Variants in MYO1C observed in about 807,000 individuals in gnomAD.
The protein encoded by MYO1C is myosin IC, also known as unconventional myosin-Ic.
MYO1C carries 104 observed loss-of-function variants against 150.8 expected under a neutral mutation model. The ratio of observed to expected loss-of-function variants is 0.69; its 90% confidence interval spans 0.59 to 0.81. The LOEUF (loss-of-function observed/expected upper bound fraction) is 0.81, where lower values mean the gene tolerates loss of function less well. Among genes scored for constraint, MYO1C ranks in the 30% least tolerant of loss-of-function variants. The probability of loss-of-function intolerance (pLI) is 0.00; values close to 1 mark genes in which losing one functional copy is unlikely to be tolerated. For missense variants in MYO1C, 1,504 were observed against 1,435.0 expected (o/e 1.05, Z -0.78); for synonymous variants, 663 against 579.9 (o/e 1.14, Z -2.06).
chr17:1,473,471 T>C (rs920027108), intron 17 of MYO1C, among the ~76,000 whole-genome samples: 1 of 151,388 alleles, frequency 6.6e-6, no homozygotes, highest in Non-Finnish European at 1.5e-5. Context: ...GAGGGTGGGG[T>C]GGACGGCAGC....
At chr17:1,483,481 A>G (rs1252520669) in intron 3 of MYO1C, 129 bp downstream of exon 3, 9 of 705,086 alleles carry the variant, frequency 1.3e-5, no homozygotes, top group Non-Finnish European at 7.4e-6. Flanking sequence ...CTGGGGGGCA[A>G]GAGACTGTGG....
At chr17:1,487,867 G>A (rs1419106874) in intron 1 of MYO1C, among the ~76,000 whole-genome samples, 1 of 152,236 alleles carries the variant, frequency 6.6e-6, no homozygotes, top group Non-Finnish European at 1.5e-5. Flanking sequence ...GTTGCAGTGA[G>A]CCGAGATTGT....
chr17:1,483,337 C>T (rs1294141851), intron 3 of MYO1C, among the ~76,000 whole-genome samples: 1 of 148,368 alleles, frequency 6.7e-6, no homozygotes, highest in Non-Finnish European at 1.5e-5. Context: ...TGGGGGGGGT[C>T]TTTGCAGGTG....
intron 1 of MYO1C, 39 bp downstream of exon 1, chr17:1,492,374 G>A (rs1248608896): frequency 1.9e-6 from 3 of 1,564,836 alleles, no homozygotes; most frequent in Non-Finnish European, 2.6e-6. Flanking sequence ...TTGGGGAGAC[G>A]CTCCCACCCT....
At chr17:1,468,554 G>T in intron 25 of MYO1C, 58 bp from the exon 26 acceptor site, 1 of 1,411,062 alleles carries the variant, frequency 7.1e-7, no homozygotes, top group Non-Finnish European at 1.0e-6. Flanking sequence ...TCTTGGGGGG[G>T]CAGAGCCAGC....
At position 1,470,609 on chromosome 17, in the gene MYO1C, G is replaced by C. The variant is rs2150936671; in HGVS notation, c.2281+12C>G. ...GACCCCGCCCCTCCTGAACACCCAT[G>C]GGCCCGCGAACCTGATCTCTTCACC... On this transcript the variant is annotated intron_variant, in intron 22 of 31. Coordinates refer to ENST00000648651, the MANE Select transcript of MYO1C (RefSeq NM_001080779.2). The C allele has an allele frequency of 6.2e-7, 1 of 1,609,652 alleles. No homozygotes were observed. Among genetic ancestry groups the C allele is most frequent in the Non-Finnish European group, 8.5e-7 (1 of 1,177,946 alleles).
Position 1,479,624 on chromosome 17 carries a change from T to C in MYO1C, c.988A>G (p.Thr330Ala). The C allele has an allele frequency of 6.2e-7, 1 of 1,612,934 alleles. No homozygotes were observed. Residue 330 changes from threonine (T) to alanine (A), a missense_variant, in exon 8 of 32, where the codon ACC becomes GCC. Thr to Ala is a moderately conservative substitution (Grantham distance 58). Coordinates refer to ENST00000648651, the MANE Select transcript of MYO1C (RefSeq NM_001080779.2). This position sits in a 1 kb window ranked among gnomAD's most constrained non-coding sequence, Gnocchi z 4.2. ...AGATACTTGAGCTGGTTCTCGGTGGTGACCTGGGCATTGCTCTCCTCGTTG... is the reference window on the plus strand; with the variant it reads ...AGATACTTGAGCTGGTTCTCGGTGGCGACCTGGGCATTGCTCTCCTCGTTG... ...AANEESNAQV[T>A]TENQLKYLTR...
chr17:1,480,223 G>A (rs1390688984), intron 7 of MYO1C, among the ~76,000 whole-genome samples: 19 of 151,424 alleles, frequency 1.3e-4, no homozygotes. Flanking sequence ...GAGGCAGGCG[G>A]ATCACCTGAG....
rs150598008 is a variant in MYO1C, at chr17:1,479,978, A to G, written c.907-273T>C. On this transcript the variant is annotated intron_variant, in intron 7 of 31. Coordinates refer to ENST00000648651, the MANE Select transcript of MYO1C (RefSeq NM_001080779.2). This position sits in a 1 kb window ranked among gnomAD's most constrained non-coding sequence, Gnocchi z 4.2. ...CCAGCCAACATGGCAAAACCCCATCATTATTAAAAATACAAAAATTAGCCA... is the reference window on the plus strand; with the variant it reads ...CCAGCCAACATGGCAAAACCCCATCGTTATTAAAAATACAAAAATTAGCCA... 0.01 allele frequency among the ~76,000 whole-genome samples: 1,571 copies of G among 150,626 alleles called. 33 individuals carry two copies. The highest frequency in any genetic ancestry group is 0.035 in the African/African-American group (1,448 of 41,016).
chr17:1,479,817 C>A lies in MYO1C; in HGVS notation c.907-112G>T. On this transcript the variant is annotated intron_variant, in intron 7 of 31. Coordinates refer to ENST00000648651, the MANE Select transcript of MYO1C (RefSeq NM_001080779.2). This position sits in a 1 kb window ranked among gnomAD's most constrained non-coding sequence, Gnocchi z 4.2. ...GTGGTGAAGTGTCGGAGAGAAGGGG[C>A]TGGAAGTGGGAATGGGTGTTAAAGG... 1.4e-6 allele frequency: 1 copy of A among 740,150 alleles called. No homozygotes were observed. Among genetic ancestry groups the A allele is most frequent in the South Asian group, 1.6e-5 (1 of 61,346 alleles). 45.8% of individuals were successfully genotyped at this position (740,150 alleles called of 1,614,324 possible).
At chr17:1,475,331 A>G (rs2074382756) in intron 14 of MYO1C, among the ~76,000 whole-genome samples, 1 of 152,204 alleles carries the variant, frequency 6.6e-6, no homozygotes, top group African/African-American at 2.4e-5. Flanking sequence ...ACAAAGGAGA[A>G]TCGCTTGAAC....
chr17:1,472,065 A>T, intron 18 of MYO1C, 41 bp from the exon 19 acceptor site: 1 of 1,608,822 alleles, frequency 6.2e-7, no homozygotes, highest in Non-Finnish European at 8.5e-7. Flanking sequence ...GCTGGCGCTG[A>T]CGGCCTGTCT....
Position 1,479,100 on chromosome 17 carries a change from TTC to T in MYO1C, c.1092+329_1092+330del, listed in dbSNP as rs963437148. On this transcript the variant is annotated intron_variant, in intron 9 of 31. Transcript: ENST00000648651. The surrounding 1 kb of genome is among the most constrained non-coding windows in gnomAD (Gnocchi z 4.2). ...ACCTCCACCTCCCGGGTTCAAGCGA[TTC>T]TCCTGCCTCAGCCTCCCGAGTAGCT... is the stretch of plus-strand genomic sequence containing the variant. 5.9e-5 allele frequency among the ~76,000 whole-genome samples: 9 copies of T among 152,148 alleles called. No individual in the cohort carries two copies. The highest frequency in any genetic ancestry group is 1.3e-4 in the Non-Finnish European group (9 of 68,016).
Position 1,479,424 on chromosome 17 carries a change from GC to G in MYO1C, c.1092+6del. 1 of 1,342,956 alleles carries G rather than the reference GC, an allele frequency of 7.4e-7. No homozygotes were observed. Among genetic ancestry groups the G allele is most frequent in the Non-Finnish European group, 1.0e-6 (1 of 963,018 alleles). The allele number at this position is 1,342,956 out of a possible 1,614,324, so 83.2% of individuals were successfully genotyped here. A position where few individuals can be genotyped will look rare whatever the true frequency, so the allele number is the denominator to read the frequency against. On this transcript the variant is annotated splice_donor_region_variant and intron_variant, in intron 9 of 31. Coordinates refer to ENST00000648651, the MANE Select transcript of MYO1C (RefSeq NM_001080779.2). This position sits in a 1 kb window ranked among gnomAD's most constrained non-coding sequence, Gnocchi z 4.2. ...CTCCACACCCGAGGGCAAGGGCCCG[GC>G]CTCACCTCCTCCCCCTTGGCGATGA...
chr17:1,469,472 C>T, intron 25 of MYO1C, 59 bp downstream of exon 25: 2 of 1,294,054 alleles, frequency 1.5e-6, no homozygotes, highest in Non-Finnish European at 2.1e-6. Context: ...ACCCTTTGAG[C>T]AATGCTTGCG....
At position 1,482,961 on chromosome 17, in the gene MYO1C, G is replaced by A. The variant is rs1169572803; in HGVS notation, c.446C>T (p.Ala149Val). 1.2e-6 allele frequency: 2 copies of A among 1,611,076 alleles called. No homozygotes were observed. Among genetic ancestry groups the A allele is most frequent in the Non-Finnish European group, 1.7e-6 (2 of 1,179,558 alleles). ...ATAGAACTGCAGCAGCCTCTTGGTG[G>A]CCTCGGTCTTGCCTGCCCCGCTCTC... Reference protein sequence around the residue: ...SGESGAGKTEATKRLLQFYAE... With the variant: ...SGESGAGKTEVTKRLLQFYAE... Residue 149 changes from alanine (A) to valine (V), a missense_variant, in exon 4 of 32, where the codon GCC becomes GTC. Transcript: ENST00000648651.
chr17:1,469,650 C>G (rs994020818), intron 24 of MYO1C, 36 bp from the exon 25 acceptor site: 2 of 1,522,848 alleles, frequency 1.3e-6, no homozygotes, highest in Non-Finnish European at 1.8e-6. Flanking sequence ...TCCTGGACAC[C>G]CTGGGCCCTT....
chr17:1,490,559 C>T (rs2074718088), intron 1 of MYO1C, among the ~76,000 whole-genome samples: 1 of 152,150 alleles, frequency 6.6e-6, no homozygotes. Flanking sequence ...TGCTCCTTAC[C>T]TGGGCCAAGA....
rs45450200 is a variant in MYO1C, at chr17:1,478,306, C to G, written c.1295+104G>C. ...AGGTGAGAAACACAGAGACAGTCCC[C>G]GGCTGGCTGGGGAGTCACAGGGCAG... is the stretch of plus-strand genomic sequence containing the variant. On this transcript the variant is annotated intron_variant, in intron 11 of 31. Coordinates refer to ENST00000648651, the MANE Select transcript of MYO1C (RefSeq NM_001080779.2). This position sits in a 1 kb window ranked among gnomAD's most constrained non-coding sequence, Gnocchi z 6.3. 6.4e-7 allele frequency: 1 copy of G among 1,562,352 alleles called. No individual in the cohort carries two copies. Among genetic ancestry groups the G allele is most frequent in the Non-Finnish European group, 8.8e-7 (1 of 1,133,492 alleles).
Sources: gnomAD v4.1 joint callset for allele counts (sites outside exome capture counted in the v4.1 genomes callset) on GRCh38, gnomAD v4.1.1 for gene constraint, Gnocchi (gnomAD v3.1) non-coding constraint, MANE v1.5 for transcripts, NCBI Gene and HGNC (gene_info 2026-07-23, HGNC 2026-07-21) for gene names.